The following KCNB2 variants were observed in gnomAD, a reference collection of about 807,000 sequenced individuals.
The protein encoded by KCNB2 is delayed rectifier potassium channel protein.
Under a neutral mutation model 61.5 loss-of-function variants are expected in KCNB2, and 15 were observed. The ratio of observed to expected loss-of-function variants is 0.24; its 90% CI spans 0.16 to 0.38. The LOEUF (loss-of-function observed/expected upper bound fraction) is 0.38, where lower values mean the gene tolerates loss of function less well. Among genes scored for constraint, KCNB2 ranks in the 10% least tolerant of loss-of-function variants. KCNB2 has a pLI of 1.00. For synonymous variants in KCNB2, 457 were observed against 446.0 expected (o/e 1.02, Z -0.31); for missense variants, 828 against 1,125.2 (o/e 0.74, Z 3.78).
chr8:72,744,540 A>G (rs1808024367), intron 2 of KCNB2, among the ~76,000 whole-genome samples: 2 of 152,204 alleles, frequency 1.3e-5, no homozygotes, highest in South Asian at 4.1e-4. Flanking sequence ...TAATATCTGT[A>G]GCAGTAAGCC....
intron 2 of KCNB2, among the ~76,000 whole-genome samples, chr8:72,804,397 G>C (rs1386819751): frequency 6.6e-6 from 1 of 152,064 alleles, no homozygotes. Context: ...GTATCATCAG[G>C]ATATGAAAAC....
intron 2 of KCNB2, among the ~76,000 whole-genome samples, chr8:72,725,369 C>T (rs1807615288): frequency 6.6e-6 from 1 of 151,524 alleles, no homozygotes; most frequent in Admixed American, 6.6e-5. Flanking sequence ...AGTGTTAGGG[C>T]CAAGTGAAAG....
intron 2 of KCNB2, among the ~76,000 whole-genome samples, chr8:72,723,232 T>C (rs73309889): frequency 0.038 from 5,782 of 152,296 alleles, 150 homozygotes; most frequent in South Asian, 0.09. Flanking sequence ...TCACCCTCCA[T>C]GCCTCACTTT....
In KCNB2 at chr8:72,713,859, T is replaced by G. The variant is rs971415750; in HGVS notation, c.579+145546T>G. On this transcript the variant is annotated intron_variant, in intron 2 of 2. Coordinates refer to ENST00000523207, the MANE Select transcript of KCNB2 (RefSeq NM_004770.3). ...AGAAGGCTTCAGGAGATCAAACTAC[T>G]CCGAGCTAAAGGAGGAAGTTCGAAA... 1.8e-4 allele frequency among the ~76,000 whole-genome samples: 27 copies of G among 151,856 alleles called. 1 individual carries two copies. Among genetic ancestry groups the G allele is most frequent in the Non-Finnish European group, 2.8e-4 (19 of 67,978 alleles).
chr8:72,719,095 G>GT (rs753153739), intron 2 of KCNB2, among the ~76,000 whole-genome samples: 7 of 151,600 alleles, frequency 4.6e-5, no homozygotes, highest in African/African-American at 7.3e-5. Flanking sequence ...CTTTTGCTTT[G>GT]TTTTTTTGTT....
intron 2 of KCNB2, among the ~76,000 whole-genome samples, chr8:72,801,209 G>C (rs1809119954): frequency 6.6e-6 from 1 of 152,150 alleles, no homozygotes. Context: ...AAATAGTACT[G>C]TTTTACAGCA....
chr8:72,758,281 T>C (rs1808323668), intron 2 of KCNB2, among the ~76,000 whole-genome samples: 1 of 152,178 alleles, frequency 6.6e-6, no homozygotes, highest in South Asian at 2.1e-4. Context: ...TGTAGTGGCA[T>C]TAGTCCTCAT....
chr8:72,825,009 T>C (rs1265952581), intron 2 of KCNB2, among the ~76,000 whole-genome samples: 1 of 152,222 alleles, frequency 6.6e-6, no homozygotes, highest in East Asian at 1.9e-4. Flanking sequence ...AATTTTTTTA[T>C]CTTCCCAAAC....
intron 2 of KCNB2, among the ~76,000 whole-genome samples, chr8:72,682,609 A>AT: frequency 6.6e-6 from 1 of 151,910 alleles, no homozygotes; most frequent in Admixed American, 6.6e-5. Context: ...AAAAAAAAAA[A>AT]AAAGGAGAGG....
chr8:72,570,511 G>A (rs1018867778), intron 2 of KCNB2, among the ~76,000 whole-genome samples: 1 of 151,906 alleles, frequency 6.6e-6, no homozygotes, highest in Non-Finnish European at 1.5e-5. Context: ...AAATGGCTCT[G>A]TGTGATGTCT....
At chr8:72,593,994 TAACTC>T (rs1348105252) in intron 2 of KCNB2, among the ~76,000 whole-genome samples, 5 of 152,186 alleles carry the variant, frequency 3.3e-5, no homozygotes, top group East Asian at 1.9e-4. Context: ...TTGTTTCACT[TAACTC>T]AACAGTAATT....
chr8:72,647,183 C>G (rs1316389140), intron 2 of KCNB2, among the ~76,000 whole-genome samples: 1 of 152,058 alleles, frequency 6.6e-6, no homozygotes, highest in East Asian at 1.9e-4. Context: ...CCTATCATGG[C>G]AAAGCAAACT....
intron 2 of KCNB2, among the ~76,000 whole-genome samples, chr8:72,739,460 A>C (rs1807908137): frequency 6.6e-6 from 1 of 152,052 alleles, no homozygotes; most frequent in African/African-American, 2.4e-5. Context: ...ATAGAAACAA[A>C]TTGGAGGGCA....
intron 2 of KCNB2, among the ~76,000 whole-genome samples, chr8:72,865,192 C>A (rs1805495436): frequency 6.6e-6 from 1 of 152,162 alleles, no homozygotes; most frequent in African/African-American, 2.4e-5. Context: ...CTGGCCTCTG[C>A]TCAGAAACGC....
chr8:72,701,013 G>T (rs1381759767), intron 2 of KCNB2, among the ~76,000 whole-genome samples: 1 of 152,116 alleles, frequency 6.6e-6, no homozygotes, highest in Admixed American at 6.5e-5. Flanking sequence ...TGATAAGTGG[G>T]AGTTAAACAT....
chr8:72,636,283 C>T (rs1174343013), intron 2 of KCNB2, among the ~76,000 whole-genome samples: 5 of 152,080 alleles, frequency 3.3e-5, no homozygotes, highest in African/African-American at 1.2e-4. Context: ...AATCGTCGCT[C>T]AGGGACAGAT....
intron 2 of KCNB2, among the ~76,000 whole-genome samples, chr8:72,859,179 G>T (rs1810254559): frequency 6.6e-6 from 1 of 152,150 alleles, no homozygotes; most frequent in South Asian, 2.1e-4. Flanking sequence ...GGAAGAAAAA[G>T]GATGAAGTGG....
intron 2 of KCNB2, among the ~76,000 whole-genome samples, chr8:72,683,834 C>T (rs950020667): frequency 2.6e-5 from 4 of 152,022 alleles, no homozygotes; most frequent in African/African-American, 9.7e-5. Flanking sequence ...AGATGGGGCA[C>T]TTAGGGAGGA....
chr8:72,737,816 AG>A (rs1807874930), intron 2 of KCNB2, among the ~76,000 whole-genome samples: 1 of 152,130 alleles, frequency 6.6e-6, no homozygotes, highest in African/African-American at 2.4e-5. Context: ...ATGGTTACAG[AG>A]CCTTTAACTC....
Sources: gnomAD v4.1 joint callset for allele counts (sites outside exome capture counted in the v4.1 genomes callset) on GRCh38, gnomAD v4.1.1 for gene constraint, MANE v1.5 for transcripts, NCBI Gene and HGNC (gene_info 2026-07-23, HGNC 2026-07-21) for gene names.